FRMD3: variants seen among roughly 807,000 people sequenced by gnomAD.
FRMD3 encodes the protein FERM domain containing 3, also known as FERM domain-containing protein 3.
A neutral mutation model predicts 70.2 loss-of-function variants in FRMD3; 33 were observed. The ratio of observed to expected loss-of-function variants is 0.47; its 90% CI spans 0.36 to 0.63. The LOEUF (loss-of-function observed/expected upper bound fraction) is 0.63. Ranked by LOEUF, FRMD3 falls within the 20% of genes least tolerant of loss-of-function variation. The pLI, the probability that FRMD3 is intolerant of heterozygous loss-of-function variation, is 0.00. For synonymous variants in FRMD3, 279 were observed against 255.9 expected, an observed-to-expected ratio of 1.09 and a Z score of -0.86; for missense variants, 632 against 711.4, an observed-to-expected ratio of 0.89 and a Z score of 1.27.
intron 1 of FRMD3, among the ~76,000 whole-genome samples, chr9:83,471,700 T>C (rs1268749604): frequency 6.6e-6 from 1 of 152,234 alleles, no homozygotes; most frequent in Non-Finnish European, 1.5e-5. Context: ...ATGGGCTAGA[T>C]GGTCTCTGAG....
At chr9:83,456,677 A>T (rs1587871466) in intron 1 of FRMD3, among the ~76,000 whole-genome samples, 1 of 152,182 alleles carries the variant, frequency 6.6e-6, no homozygotes, top group African/African-American at 2.4e-5. Context: ...AAAAGGAATA[A>T]GTGTAACTTA....
At position 83,504,223 on chromosome 9, in the gene FRMD3, AC is replaced by A. The variant is rs1411252814; in HGVS notation, c.147+33861del. 2.0e-5 allele frequency among the ~76,000 whole-genome samples: 3 copies of A among 152,122 alleles called. No individual in the cohort carries two copies. In the South Asian group the frequency reaches 6.2e-4, roughly 32 times the overall value. On this transcript the variant is annotated intron_variant, in intron 1 of 13. Coordinates refer to ENST00000304195, the MANE Select transcript of FRMD3 (RefSeq NM_174938.6). ...ACACAAACGGAAAGCACCACCAATG[AC>A]TGTAGACATTCAAGTGGTCTTGGGC...
At chr9:83,371,220 A>C (rs1450445650) in intron 3 of FRMD3, among the ~76,000 whole-genome samples, 2 of 152,226 alleles carry the variant, frequency 1.3e-5, no homozygotes, top group Non-Finnish European at 2.9e-5. Flanking sequence ...TAGTTAAGGA[A>C]TAAAAGCTAG....
rs938148670 is a variant in FRMD3, at chr9:83,538,340, C to T, written c.-109G>A. 6 of 1,048,444 alleles carry T rather than the reference C, an allele frequency of 5.7e-6. No individual in the cohort carries two copies. In the African/African-American group the frequency reaches 8.3e-5, roughly 14 times the overall value. 64.9% of individuals were successfully genotyped at this position (1,048,444 alleles called of 1,614,324 possible). A position where few individuals can be genotyped will look rare whatever the true frequency, so the allele number is the denominator to read the frequency against. On this transcript the variant is annotated 5_prime_UTR_variant, in exon 1 of 14. Coordinates refer to ENST00000304195, the MANE Select transcript of FRMD3 (RefSeq NM_174938.6). This position sits in a 1 kb window ranked among gnomAD's most constrained non-coding sequence, Gnocchi z 4.7. ...TCCGGGACACCTGGGCGCGGCTCAG[C>T]CCCGGGACATCGGCAGCGTCGGGCG...
At chr9:83,492,371 C>T (rs1433270352) in intron 1 of FRMD3, among the ~76,000 whole-genome samples, 2 of 109,312 alleles carry the variant, frequency 1.8e-5, no homozygotes. Flanking sequence ...AAAGAAAACT[C>T]GTCTTATTGG....
At chr9:83,326,344 G>C (rs942626934) in intron 6 of FRMD3, among the ~76,000 whole-genome samples, 1 of 152,090 alleles carries the variant, frequency 6.6e-6, no homozygotes, top group Non-Finnish European at 1.5e-5. Flanking sequence ...GCAGGATGTC[G>C]AGATATTTAC....
At chr9:83,323,921 G>A (rs11140025) in intron 6 of FRMD3, among the ~76,000 whole-genome samples, 1 of 152,150 alleles carries the variant, frequency 6.6e-6, no homozygotes, top group African/African-American at 2.4e-5. Flanking sequence ...ACAAACTCTG[G>A]CAAGTTCCAC....
downstream of FRMD3, chr9:83,243,254 G>C (rs1222776936): frequency 1.3e-6 from 2 of 1,547,392 alleles, no homozygotes; most frequent in South Asian, 2.4e-5. Context: ...AAAGGAGAGA[G>C]GGAGAGAGAA....
rs532605188 is a variant in FRMD3, at chr9:83,253,588, T to A, written c.1196-5072A>T. On this transcript the variant is annotated intron_variant, in intron 13 of 13. Transcript: ENST00000304195. ...AGATACCATCTCACACCAGTTAGAA[T>A]GGCGATCATTAAAAAGTCAGGAAAC... 7.8e-3 allele frequency among the ~76,000 whole-genome samples: 1,195 copies of A among 152,278 alleles called. 9 individuals are homozygous for A. The highest frequency in any genetic ancestry group is 0.027 in the African/African-American group (1,130 of 41,542).
chr9:83,435,683 T>C (rs1827113830), intron 1 of FRMD3, among the ~76,000 whole-genome samples: 1 of 152,188 alleles, frequency 6.6e-6, no homozygotes, highest in Non-Finnish European at 1.5e-5. Flanking sequence ...TATTTGGGTT[T>C]GAGGGGCAAG....
rs548108004 is a variant in FRMD3 at position 83,395,269 on chromosome 9, T to C, written c.148-5561A>G. Among the ~76,000 whole-genome samples, 329 of 82,758 alleles carry C rather than the reference T, an allele frequency of 4.0e-3. 2 individuals carry two copies. The highest frequency in any genetic ancestry group is 0.015 in the African/African-American group (313 of 20,918). The allele number at this position is 82,758 out of a possible 152,430, so 54.3% of individuals were successfully genotyped here. ...ATTTGCCTCCCAGAACTGTCCTCTA[T>C]AGATTTAAAAAAAAAAAAAAAAGGG... On this transcript the variant is annotated intron_variant, in intron 1 of 13. Transcript: ENST00000304195.
chr9:83,409,760 G>A (rs1193401256), intron 1 of FRMD3, among the ~76,000 whole-genome samples: 1 of 152,192 alleles, frequency 6.6e-6, no homozygotes, highest in African/African-American at 2.4e-5. Context: ...ACAAATAAGA[G>A]CTGGACCCAG....
intron 3 of FRMD3, 110 bp downstream of exon 3, chr9:83,372,803 C>T (rs991613105): frequency 1.3e-5 from 13 of 1,001,976 alleles, no homozygotes; most frequent in Non-Finnish European, 2.1e-5. Flanking sequence ...CCCACACCCC[C>T]CAACACCTCT....
At chr9:83,414,967 A>C (rs1422105586) in intron 1 of FRMD3, among the ~76,000 whole-genome samples, 2 of 152,232 alleles carry the variant, frequency 1.3e-5, no homozygotes, top group Non-Finnish European at 2.9e-5. Context: ...GAACCACCAG[A>C]GGTGATCAAG....
At chr9:83,469,860 G>A (rs1828226286) in intron 1 of FRMD3, among the ~76,000 whole-genome samples, 1 of 152,166 alleles carries the variant, frequency 6.6e-6, no homozygotes, top group African/African-American at 2.4e-5. Flanking sequence ...ATGGGGGGCG[G>A]GGAGAAAGCC....
intron 5 of FRMD3, among the ~76,000 whole-genome samples, chr9:83,341,211 A>C (rs1439757985): frequency 6.6e-6 from 1 of 152,178 alleles, no homozygotes; most frequent in African/African-American, 2.4e-5. Context: ...AAATGACCAC[A>C]GACAGCACTG....
chr9:83,338,683 AC>A (rs546207763), intron 5 of FRMD3, among the ~76,000 whole-genome samples: 33 of 152,342 alleles, frequency 2.2e-4, no homozygotes, highest in South Asian at 4.1e-4. Context: ...ACACAAAAAA[AC>A]AATATTAATC....
intron 4 of FRMD3, 105 bp downstream of exon 4, chr9:83,349,574 A>G (rs1023284725): frequency 1.4e-6 from 1 of 702,330 alleles, no homozygotes; most frequent in East Asian, 2.8e-5. Context: ...AGCTTGCAAC[A>G]CTGAGACGGT....
At chr9:83,267,191 C>A (rs1178918242) in intron 13 of FRMD3, 2 of 1,550,140 alleles carry the variant, frequency 1.3e-6, no homozygotes, top group Middle Eastern at 1.7e-4. Context: ...CCAGGGCAGC[C>A]TTTCCCTAAC....
Sources: allele counts gnomAD v4.1 joint callset (sites outside exome capture counted in the v4.1 genomes callset), GRCh38; gene constraint gnomAD v4.1.1; non-coding constraint Gnocchi (gnomAD v3.1); transcripts MANE v1.5; gene names NCBI Gene and HGNC (gene_info 2026-07-23, HGNC 2026-07-21).